SLC9B1: variants seen among roughly 807,000 people sequenced by gnomAD.
The protein encoded by SLC9B1 is solute carrier family 9 member B1.
Under a neutral mutation model 51.7 loss-of-function variants are expected in SLC9B1, and 32 were observed. The observed-to-expected ratio is 0.62, with a 90% CI of 0.47 to 0.83. The LOEUF (loss-of-function observed/expected upper bound fraction) is 0.83, where lower values mean the gene tolerates loss of function less well. SLC9B1 is among the 40% of genes least tolerant of loss of function. The pLI, the probability that SLC9B1 is intolerant of heterozygous loss-of-function variation, is 0.00. For synonymous variants in SLC9B1, 145 were observed against 212.7 expected (o/e 0.68, Z 2.77); for missense variants, 406 against 613.2 (o/e 0.66, Z 3.57).
At chr4:102,990,511 GA>G (rs1187099379) in intron 2 of SLC9B1, among the ~76,000 whole-genome samples, 2 of 151,682 alleles carry the variant, frequency 1.3e-5, no homozygotes, top group Non-Finnish European at 2.9e-5. Context: ...TGCTGATTTT[GA>G]AAAAAAGGAA....
chr4:102,991,679 CA>C lies in SLC9B1; in HGVS notation c.32del (p.Leu11TrpfsTer36). The C allele has an allele frequency of 6.3e-7, 1 of 1,589,048 alleles. No homozygotes were observed. The highest frequency in any genetic ancestry group is 1.3e-5 in the African/African-American group (1 of 74,356). On this transcript the variant is annotated frameshift_variant, in exon 2 of 12. Transcript: ENST00000296422. ...TAGATGTTTGGAAGTTTTCATCCTC[CA>C]AATGTTCATTTTTTGATTCTGTGGT... is the stretch of plus-strand genomic sequence containing the variant. The part of the protein sequence containing the change: MHTTESKNEH[L>X]EDENFQTSTT...
At chr4:102,936,385 C>A (rs150808379) in intron 6 of SLC9B1, among the ~76,000 whole-genome samples, 3,157 of 152,316 alleles carry the variant, frequency 0.021, 45 homozygotes, top group Non-Finnish European at 0.034. Context: ...ATCATACTAA[C>A]TCTCTAACAA....
intron 11 of SLC9B1, among the ~76,000 whole-genome samples, chr4:102,903,385 CAG>C (rs1386141314): frequency 6.6e-6 from 1 of 152,096 alleles, no homozygotes; most frequent in Non-Finnish European, 1.5e-5. Context: ...CACCATATGC[CAG>C]AGAGAGTGCT....
chr4:102,902,463 A>T (rs1001562055), intron 11 of SLC9B1, among the ~76,000 whole-genome samples: 1 of 152,206 alleles, frequency 6.6e-6, no homozygotes. Context: ...AATCATGCAG[A>T]AAACCAACTT....
At chr4:102,956,876 C>T (rs1737839717) in intron 3 of SLC9B1, among the ~76,000 whole-genome samples, 1 of 152,098 alleles carries the variant, frequency 6.6e-6, no homozygotes, top group Admixed American at 6.6e-5. Flanking sequence ...ACTCTCAATT[C>T]AGATACTGGA....
chr4:103,006,647 T>C (rs1375562309), intron 1 of SLC9B1, among the ~76,000 whole-genome samples: 1 of 152,090 alleles, frequency 6.6e-6, no homozygotes, highest in Non-Finnish European at 1.5e-5. Context: ...TCTATGAGGA[T>C]AGCATCATCC....
At chr4:102,955,904 AGAG>A (rs1737788400) in intron 3 of SLC9B1, among the ~76,000 whole-genome samples, 2 of 67,266 alleles carry the variant, frequency 3.0e-5, no homozygotes, top group Admixed American at 1.4e-4. Context: ...AAAGAAAGAG[AGAG>A]AAAGACCCAC....
chr4:103,005,794 T>G (rs980516217), intron 1 of SLC9B1, among the ~76,000 whole-genome samples: 2 of 152,058 alleles, frequency 1.3e-5, no homozygotes, highest in African/African-American at 2.4e-5. Context: ...TAAAAAGAAC[T>G]CTCAAAACCA....
intron 7 of SLC9B1, among the ~76,000 whole-genome samples, chr4:102,915,875 A>G (rs1302723050): frequency 6.6e-6 from 1 of 152,208 alleles, no homozygotes; most frequent in Non-Finnish European, 1.5e-5. Flanking sequence ...ATAGATTATT[A>G]TAACTATGAG....
chr4:102,992,838 CA>C (rs1382365807), intron 1 of SLC9B1, among the ~76,000 whole-genome samples: 1 of 152,156 alleles, frequency 6.6e-6, no homozygotes, highest in Non-Finnish European at 1.5e-5. Context: ...TGAATTGACT[CA>C]CAGTTCCACA....
chr4:102,913,796 T>TAAAAAAAAAAAAAAAAAAAAAAAAAA (rs61244946), intron 7 of SLC9B1, among the ~76,000 whole-genome samples: 1 of 71,448 alleles, frequency 1.4e-5, no homozygotes, highest in Non-Finnish European at 2.8e-5. Context: ...AGATAGAAAC[T>TAAAAAAAAAAAAAAAAAAAAAAAAAA]AAAAAAAAAA....
chr4:102,977,166 AAG>A (rs746718309), intron 3 of SLC9B1, among the ~76,000 whole-genome samples: 143 of 152,144 alleles, frequency 9.4e-4, no homozygotes, highest in Non-Finnish European at 2.0e-3. Context: ...AAGAAAAAAA[AAG>A]AGAGAAATAT....
intron 10 of SLC9B1, 27 bp from the exon 11 acceptor site, chr4:102,905,677 T>C (rs370400011): frequency 8.8e-6 from 14 of 1,594,696 alleles, no homozygotes; most frequent in Non-Finnish European, 1.1e-5. Context: ...CAAACATAAA[T>C]AACAAAATAT....
chr4:102,962,557 G>C (rs1738194393), intron 3 of SLC9B1: 3 of 476,716 alleles, frequency 6.3e-6, no homozygotes, highest in South Asian at 4.6e-5. Context: ...CTCAACAAGT[G>C]GGTGAATGTA....
At chr4:102,966,109 T>C (rs1234058788) in intron 3 of SLC9B1, among the ~76,000 whole-genome samples, 1 of 152,208 alleles carries the variant, frequency 6.6e-6, no homozygotes, top group Non-Finnish European at 1.5e-5. Flanking sequence ...AGGCTGAGGT[T>C]GTATGGTGGC....
At chr4:102,972,976 T>C (rs1306549616) in intron 3 of SLC9B1, among the ~76,000 whole-genome samples, 2 of 152,136 alleles carry the variant, frequency 1.3e-5, no homozygotes, top group African/African-American at 2.4e-5. Context: ...AGAATAGAAC[T>C]AGAACATACA....
intron 1 of SLC9B1, among the ~76,000 whole-genome samples, chr4:102,992,069 T>C (rs1739970466): frequency 6.6e-6 from 1 of 152,164 alleles, no homozygotes. Context: ...ATCTATCTTC[T>C]GTCATGCTCT....
chr4:102,924,669 GC>G (rs1193169585), intron 7 of SLC9B1, among the ~76,000 whole-genome samples: 3 of 152,036 alleles, frequency 2.0e-5, no homozygotes, highest in Non-Finnish European at 4.4e-5. Context: ...CTGACAAAGG[GC>G]TAATATCCAG....
chr4:102,918,709 G>A (rs1295282860), intron 7 of SLC9B1, among the ~76,000 whole-genome samples: 2 of 152,164 alleles, frequency 1.3e-5, no homozygotes, highest in African/African-American at 4.8e-5. Flanking sequence ...ACAAAGAGAA[G>A]GTGCTATCTA....
Sources: allele counts gnomAD v4.1 joint callset (sites outside exome capture counted in the v4.1 genomes callset), GRCh38; gene constraint gnomAD v4.1.1; transcripts MANE v1.5; gene names NCBI Gene and HGNC (gene_info 2026-07-23, HGNC 2026-07-21).